The following PARD3B variants were observed in gnomAD, a reference collection of about 807,000 sequenced individuals.
PARD3B encodes the protein par-3 family cell polarity regulator beta, also known as partitioning defective 3 homolog B.
Under a neutral mutation model 130.2 loss-of-function variants are expected in PARD3B, and 103 were observed. The observed-to-expected ratio is 0.79, with a 90% CI of 0.67 to 0.93. PARD3B has a LOEUF of 0.93. Ranked by LOEUF, PARD3B falls within the 40% of genes least tolerant of loss-of-function variation. PARD3B has a pLI of 0.00. For synonymous variants in PARD3B, 583 were observed against 553.2 expected, an observed-to-expected ratio of 1.05 and a Z score of -0.76; for missense variants, 1,609 against 1,499.2, an observed-to-expected ratio of 1.07 and a Z score of -1.21.
chr2:205,484,497 C>T (rs988590278), intron 20 of PARD3B, among the ~76,000 whole-genome samples: 1 of 152,126 alleles, frequency 6.6e-6, no homozygotes, highest in African/African-American at 2.4e-5. Context: ...TGGGAAAGCA[C>T]TTGTTGGGAA....
intron 10 of PARD3B, among the ~76,000 whole-genome samples, chr2:205,152,679 C>G (rs1226262304): frequency 6.6e-6 from 1 of 152,120 alleles, no homozygotes; most frequent in Non-Finnish European, 1.5e-5. Context: ...AGGTTTTTAG[C>G]TTCCTCGCAA....
chr2:205,258,644 C>T lies in PARD3B; in HGVS notation c.2185+12822C>T, dbSNP rs777363706. ...TGTGGCACACGGCAGGCATCCTTTACGTAGTACTTGCTAAATCTTTTTTCT... is the reference window on the plus strand; with the variant it reads ...TGTGGCACACGGCAGGCATCCTTTATGTAGTACTTGCTAAATCTTTTTTCT... On this transcript the variant is annotated intron_variant, in intron 16 of 22. Coordinates refer to ENST00000406610, the MANE Select transcript of PARD3B (RefSeq NM_001302769.2). The surrounding 1 kb of genome is among the most constrained non-coding windows in gnomAD (Gnocchi z 4.9). Among the ~76,000 whole-genome samples the T allele has an allele frequency of 2.6e-5, 4 of 152,136 alleles. No individual in the cohort carries two copies. Among genetic ancestry groups the T allele is most frequent in the Non-Finnish European group, 4.4e-5 (3 of 68,018 alleles).
At chr2:204,566,902 G>C (rs566166530) in intron 1 of PARD3B, among the ~76,000 whole-genome samples, 1 of 148,374 alleles carries the variant, frequency 6.7e-6, no homozygotes, top group African/African-American at 2.5e-5. Context: ...TTTTTGAGAC[G>C]GAGTCTCGCT....
intron 22 of PARD3B, among the ~76,000 whole-genome samples, chr2:205,579,217 G>A (rs36016421): frequency 2.0e-5 from 3 of 152,134 alleles, no homozygotes; most frequent in Non-Finnish European, 2.9e-5. Context: ...CAAAATGGTC[G>A]GGGGTGGAGG....
At chr2:205,147,467 G>C (rs1280059577) in intron 10 of PARD3B, among the ~76,000 whole-genome samples, 2 of 152,078 alleles carry the variant, frequency 1.3e-5, no homozygotes, top group Non-Finnish European at 2.9e-5. Context: ...AGGCAATATG[G>C]AATGGCCATT....
rs1214027950 is a variant in PARD3B at position 204,664,062 on chromosome 2, GA to G, written c.121-22118del. ...AAGAATAGGGCCCTTAATTGGGTGG[GA>G]TTTTTATTTGATTTATGACCTGAGG... On this transcript the variant is annotated intron_variant, in intron 1 of 22. Coordinates refer to ENST00000406610, the MANE Select transcript of PARD3B (RefSeq NM_001302769.2). This position sits in a 1 kb window ranked among gnomAD's most constrained non-coding sequence, Gnocchi z 5.2. Among the ~76,000 whole-genome samples the G allele has an allele frequency of 1.3e-5, 2 of 152,208 alleles. No individual in the cohort carries two copies. The highest frequency in any genetic ancestry group is 3.9e-4 in the East Asian group (2 of 5,182).
intron 18 of PARD3B, among the ~76,000 whole-genome samples, chr2:205,374,139 C>T (rs1384719965): frequency 1.3e-5 from 2 of 148,562 alleles, no homozygotes; most frequent in Admixed American, 1.4e-4. Flanking sequence ...TTTCTTTTTC[C>T]TATTTAAAAT....
intron 1 of PARD3B, among the ~76,000 whole-genome samples, chr2:204,624,359 CTTG>C (rs1366418539): frequency 1.3e-5 from 2 of 151,890 alleles, no homozygotes; most frequent in Admixed American, 6.6e-5. Flanking sequence ...CTTTTGTACA[CTTG>C]TTGGTTGGAA....
chr2:204,999,165 A>G (rs371037987), intron 3 of PARD3B, among the ~76,000 whole-genome samples: 3 of 151,288 alleles, frequency 2.0e-5, no homozygotes, highest in Admixed American at 6.6e-5. Flanking sequence ...AGATCATCCT[A>G]TAATTTCCAA....
intron 2 of PARD3B, among the ~76,000 whole-genome samples, chr2:204,810,331 AG>A (rs1349822279): frequency 1.3e-5 from 2 of 152,142 alleles, no homozygotes; most frequent in Admixed American, 6.6e-5. Context: ...CCTCTTTTCA[AG>A]GGGAATGTTT....
chr2:205,464,738 C>T (rs1291155191), intron 20 of PARD3B, among the ~76,000 whole-genome samples: 1 of 152,140 alleles, frequency 6.6e-6, no homozygotes, highest in Non-Finnish European at 1.5e-5. Context: ...TCACACAGGC[C>T]AGATAGTTGT....
chr2:204,994,677 G>A (rs1693991558), intron 3 of PARD3B, among the ~76,000 whole-genome samples: 1 of 151,490 alleles, frequency 6.6e-6, no homozygotes, highest in African/African-American at 2.4e-5. Flanking sequence ...GTTGACAGTG[G>A]GGTGTTAAAG....
In PARD3B at chr2:205,104,451, GAGA is replaced by G; in HGVS notation, c.533_535del (p.Glu178del). 1 of 1,602,636 alleles carries G rather than the reference GAGA, an allele frequency of 6.2e-7. No homozygotes were observed. ...GATTCCACGCAGAACTTGGAAGACAGAGAAGTTTTGAATGGTGTACAGACAGAA... is the reference window on the plus strand; with the variant it reads ...GATTCCACGCAGAACTTGGAAGACAGAGTTTTGAATGGTGTACAGACAGAA... On this transcript the variant is annotated inframe_deletion, in exon 5 of 23. Transcript: ENST00000406610.
At chr2:204,645,179 A>C (rs1413863971) in intron 1 of PARD3B, among the ~76,000 whole-genome samples, 1 of 152,194 alleles carries the variant, frequency 6.6e-6, no homozygotes, top group Non-Finnish European at 1.5e-5. Context: ...AAGCAAACTG[A>C]GTATTACTCA....
At chr2:204,622,406 C>T (rs914002616) in intron 1 of PARD3B, among the ~76,000 whole-genome samples, 1 of 152,124 alleles carries the variant, frequency 6.6e-6, no homozygotes, top group Non-Finnish European at 1.5e-5. Flanking sequence ...ATATATAGCT[C>T]ATTCAGTATA....
chr2:204,980,400 A>G lies in PARD3B; in HGVS notation c.394+15077A>G, dbSNP rs1035458812. On this transcript the variant is annotated intron_variant, in intron 3 of 22. Transcript: ENST00000406610. Reference sequence around the variant, plus strand: ...CTTAGAGGTAAGGGTAGGAGTTGACAAATCTTTCTAGTAGAATTCCAAATA... The same window carrying G: ...CTTAGAGGTAAGGGTAGGAGTTGACGAATCTTTCTAGTAGAATTCCAAATA... Among the ~76,000 whole-genome samples the G allele has an allele frequency of 2.6e-5, 4 of 152,192 alleles. No homozygotes were observed. In the East Asian group the frequency reaches 7.7e-4, roughly 29 times the overall value.
At chr2:204,791,259 A>C (rs1407935402) in intron 2 of PARD3B, among the ~76,000 whole-genome samples, 1 of 152,214 alleles carries the variant, frequency 6.6e-6, no homozygotes, top group Non-Finnish European at 1.5e-5. Context: ...ACCACAGTGA[A>C]AATCATAGCA....
At chr2:205,481,323 G>A (rs1354068998) in intron 20 of PARD3B, among the ~76,000 whole-genome samples, 1 of 152,138 alleles carries the variant, frequency 6.6e-6, no homozygotes. Flanking sequence ...ACTGCAAGTG[G>A]AAGGAAAGCA....
chr2:204,661,497 A>G lies in PARD3B; in HGVS notation c.121-24684A>G, dbSNP rs923613410. 2.8e-4 allele frequency among the ~76,000 whole-genome samples: 42 copies of G among 152,176 alleles called. 1 individual carries two copies. Among genetic ancestry groups the G allele is most frequent in the African/African-American group, 8.7e-4 (36 of 41,462 alleles). On this transcript the variant is annotated intron_variant, in intron 1 of 22. Transcript: ENST00000406610. ...ATGACCAGAGGCAGAATGAGCCACA[A>G]TATTCAGGAACCATTTCCTCATCTC...
Sources: allele counts gnomAD v4.1 joint callset (sites outside exome capture counted in the v4.1 genomes callset), GRCh38; gene constraint gnomAD v4.1.1; non-coding constraint Gnocchi (gnomAD v3.1); transcripts MANE v1.5; gene names NCBI Gene and HGNC (gene_info 2026-07-23, HGNC 2026-07-21).